ANAPC10: variants seen among roughly 807,000 people sequenced by gnomAD.
ANAPC10 encodes the protein anaphase-promoting complex subunit 10.
Under a neutral mutation model 22.0 loss-of-function variants are expected in ANAPC10, and 12 were observed. The observed-to-expected ratio is 0.55, with a 90% CI of 0.35 to 0.88. The LOEUF (loss-of-function observed/expected upper bound fraction) is 0.88, where lower values mean the gene tolerates loss of function less well. Ranked by LOEUF, ANAPC10 falls within the 40% of genes least tolerant of loss-of-function variation. ANAPC10 has a pLI of 0.01. For missense variants in ANAPC10, 188 were observed against 220.9 expected (o/e 0.85, Z 0.94); for synonymous variants, 65 against 69.5 (o/e 0.94, Z 0.32).
chr4:145,011,341 TAAAA>T (rs1734278985), intron 4 of ANAPC10, among the ~76,000 whole-genome samples: 1 of 134,404 alleles, frequency 7.4e-6, no homozygotes, highest in African/African-American at 3.2e-5. Context: ...TCTTAAAAAA[TAAAA>T]TAAAATAAAA....
At chr4:145,027,313 T>C (rs932254625) in intron 4 of ANAPC10, among the ~76,000 whole-genome samples, 2 of 151,810 alleles carry the variant, frequency 1.3e-5, no homozygotes, top group Non-Finnish European at 2.9e-5. Flanking sequence ...CAAAAACTTC[T>C]TAATTTAATA....
At chr4:145,029,204 C>T (rs1737183303) in intron 4 of ANAPC10, among the ~76,000 whole-genome samples, 1 of 152,038 alleles carries the variant, frequency 6.6e-6, no homozygotes, top group African/African-American at 2.4e-5. Context: ...CTTCACCATC[C>T]CCAGTAGTGG....
At chr4:145,095,932 A>C in intron 2 of ANAPC10, 53 bp downstream of exon 2, 1 of 1,612,900 alleles carries the variant, frequency 6.2e-7, no homozygotes, top group Non-Finnish European at 8.5e-7. Flanking sequence ...ATGCCTGTAC[A>C]AGGAAACTGC....
intron 4 of ANAPC10, among the ~76,000 whole-genome samples, chr4:145,054,120 G>C (rs890727374): frequency 1.3e-5 from 2 of 151,332 alleles, no homozygotes; most frequent in African/African-American, 4.9e-5. Flanking sequence ...TGTTGGCCAG[G>C]ATGGTCTCCA....
intron 3 of ANAPC10, among the ~76,000 whole-genome samples, chr4:145,070,928 T>C (rs1744399431): frequency 6.6e-6 from 1 of 151,980 alleles, no homozygotes; most frequent in Non-Finnish European, 1.5e-5. Flanking sequence ...TTATATCAGG[T>C]CCCCAGAACA....
intron 4 of ANAPC10, among the ~76,000 whole-genome samples, chr4:145,026,981 ATATATATTTTTTTTTTTTTT>A (rs1410019444): frequency 2.8e-5 from 1 of 36,014 alleles, no homozygotes; most frequent in Non-Finnish European, 4.6e-5. Flanking sequence ...ATATATATAT[ATATATATTTTTTTTTTTTTT>A]TTTTTTTTTT....
chr4:145,094,423 A>G (rs889690444), intron 2 of ANAPC10, among the ~76,000 whole-genome samples: 5 of 152,164 alleles, frequency 3.3e-5, no homozygotes, highest in African/African-American at 4.8e-5. Flanking sequence ...ATGACTGTAC[A>G]TGTCTGTAAA....
intron 3 of ANAPC10, among the ~76,000 whole-genome samples, chr4:145,067,760 G>A (rs1269442663): frequency 6.6e-6 from 1 of 152,132 alleles, no homozygotes; most frequent in Non-Finnish European, 1.5e-5. Flanking sequence ...GAAGACATTA[G>A]TGACATATTC....
chr4:145,070,103 A>C (rs1219664957), intron 3 of ANAPC10, among the ~76,000 whole-genome samples: 3 of 152,222 alleles, frequency 2.0e-5, no homozygotes, highest in Non-Finnish European at 4.4e-5. Context: ...AGTTTAAAGC[A>C]GTACTGAGAC....
At chr4:145,077,942 AT>A (rs1745423319) in intron 3 of ANAPC10, among the ~76,000 whole-genome samples, 1 of 152,192 alleles carries the variant, frequency 6.6e-6, no homozygotes, top group African/African-American at 2.4e-5. Flanking sequence ...GGAAGGAAGC[AT>A]TCCACTTAAG....
intron 3 of ANAPC10, among the ~76,000 whole-genome samples, chr4:145,080,267 C>T (rs538630100): frequency 1.1e-4 from 17 of 152,160 alleles, no homozygotes; most frequent in East Asian, 3.9e-4. Flanking sequence ...ACCTGGATGA[C>T]GAAATTTGTA....
At chr4:145,090,194 C>T (rs1747460871) in intron 2 of ANAPC10, among the ~76,000 whole-genome samples, 1 of 152,164 alleles carries the variant, frequency 6.6e-6, no homozygotes, top group African/African-American at 2.4e-5. Context: ...TTTAAAATGG[C>T]TCCTCTTGTA....
intron 4 of ANAPC10, among the ~76,000 whole-genome samples, chr4:145,039,699 A>G (rs537683069): frequency 1.3e-5 from 2 of 152,182 alleles, no homozygotes; most frequent in African/African-American, 4.8e-5. Flanking sequence ...GATTCAAGCA[A>G]TTCTCCTGCC....
In ANAPC10 at chr4:145,064,472, T is replaced by C. The variant is rs34647238; in HGVS notation, c.327+100A>G. On this transcript the variant is annotated intron_variant, in intron 4 of 4. Transcript: ENST00000507656. The stretch of plus-strand genomic sequence containing the variant: ...TTTTCTCCAATATTTTTCTCTTATA[T>C]ATTAACATTTTAACCTGTCTAATGT... 4,176 of 915,480 alleles carry C rather than the reference T, an allele frequency of 4.6e-3. 143 individuals are homozygous for C. In the African/African-American group the frequency reaches 0.064, roughly 14 times the overall value. The allele number at this position is 915,480 out of a possible 1,614,324, so 56.7% of individuals were successfully genotyped here.
chr4:145,039,407 G>A (rs955145931), intron 4 of ANAPC10, among the ~76,000 whole-genome samples: 6 of 152,162 alleles, frequency 3.9e-5, no homozygotes, highest in Non-Finnish European at 5.9e-5. Flanking sequence ...AATTATATAG[G>A]AGTGGATGAA....
At chr4:144,995,772 T>C (rs759946756) in intron 4 of ANAPC10, among the ~76,000 whole-genome samples, 169 bp from the exon 5 acceptor site, 1 of 152,232 alleles carries the variant, frequency 6.6e-6, no homozygotes. Context: ...ATGGTCTACT[T>C]ATAGTTGCTA....
rs1739345513 is a variant in ANAPC10 at position 145,040,441 on chromosome 4, C to T, written c.327+24131G>A. 2.6e-5 allele frequency among the ~76,000 whole-genome samples: 4 copies of T among 152,192 alleles called. No individual in the cohort carries two copies. In the South Asian group the frequency reaches 8.3e-4, roughly 32 times the overall value. The stretch of plus-strand genomic sequence containing the variant: ...GGGATTACAGGCGTGGGCCACCATG[C>T]CCAGCCTATTGTATGCTTTTAAGAC... On this transcript the variant is annotated intron_variant, in intron 4 of 4. Transcript: ENST00000507656.
intron 4 of ANAPC10, among the ~76,000 whole-genome samples, chr4:145,021,806 A>G (rs1735990396): frequency 6.6e-6 from 1 of 152,162 alleles, no homozygotes; most frequent in Non-Finnish European, 1.5e-5. Flanking sequence ...TCTACAATGA[A>G]CTCAATCAAA....
intron 4 of ANAPC10, among the ~76,000 whole-genome samples, chr4:145,057,412 T>G (rs1311387454): frequency 6.6e-6 from 1 of 152,114 alleles, no homozygotes; most frequent in African/African-American, 2.4e-5. Flanking sequence ...TGACAACATA[T>G]TCTCTTAATT....
Sources: allele counts gnomAD v4.1 joint callset (sites outside exome capture counted in the v4.1 genomes callset), GRCh38; gene constraint gnomAD v4.1.1; transcripts MANE v1.5; gene names NCBI Gene and HGNC (gene_info 2026-07-23, HGNC 2026-07-21).